The following GABRB1 variants were observed in gnomAD, a reference collection of about 807,000 sequenced individuals.
GABRB1 encodes gamma-aminobutyric acid type A receptor subunit beta1.
GABRB1 carries 17 observed loss-of-function variants against 51.6 expected under a neutral mutation model. That is an observed-to-expected ratio of 0.33 (90% CI 0.23 to 0.49). The LOEUF (loss-of-function observed/expected upper bound fraction) is 0.49. GABRB1 is among the 20% of genes least tolerant of loss of function. The pLI is 0.99. For missense variants in GABRB1, 410 were observed against 600.6 expected, an observed-to-expected ratio of 0.68 and a Z score of 3.32; for synonymous variants, 247 against 218.9, an observed-to-expected ratio of 1.13 and a Z score of -1.14.
intron 4 of GABRB1, 108 bp downstream of exon 4, chr4:47,161,577 T>A: frequency 1.3e-6 from 1 of 798,992 alleles, no homozygotes; most frequent in Non-Finnish European, 2.0e-6. Context: ...GATGAATATA[T>A]AAATGGGGTG....
intron 4 of GABRB1, among the ~76,000 whole-genome samples, chr4:47,215,469 T>C (rs1720517785): frequency 6.6e-6 from 1 of 152,036 alleles, no homozygotes. Flanking sequence ...AGTTATGTTA[T>C]TTACTGAGCA....
intron 7 of GABRB1, among the ~76,000 whole-genome samples, chr4:47,405,153 G>C (rs538260591): frequency 6.6e-6 from 1 of 152,104 alleles, no homozygotes; most frequent in Non-Finnish European, 1.5e-5. Flanking sequence ...AAATTTAAAG[G>C]TTTTTTCAAA....
chr4:47,034,273 A>T (rs1403236033), intron 3 of GABRB1, among the ~76,000 whole-genome samples: 2 of 152,192 alleles, frequency 1.3e-5, no homozygotes, highest in East Asian at 1.9e-4. Context: ...AGTTTTTTTT[A>T]AAACTCAATT....
intron 1 of GABRB1, among the ~76,000 whole-genome samples, chr4:47,012,898 G>A (rs1000971498): frequency 2.6e-5 from 4 of 152,178 alleles, no homozygotes; most frequent in African/African-American, 9.7e-5. Flanking sequence ...GGAACCTCAA[G>A]GGAAGTATGT....
chr4:47,288,302 G>A (rs201440103), intron 4 of GABRB1, among the ~76,000 whole-genome samples: 89 of 151,132 alleles, frequency 5.9e-4, no homozygotes, highest in East Asian at 2.3e-3. Context: ...TCACTCTGTC[G>A]CCCAGGCTGG....
chr4:47,103,492 G>C (rs1714811270), intron 3 of GABRB1, among the ~76,000 whole-genome samples: 1 of 151,888 alleles, frequency 6.6e-6, no homozygotes, highest in African/African-American at 2.4e-5. Flanking sequence ...TGATATTATT[G>C]TTAGATCATT....
chr4:47,340,245 G>A (rs1044536259), intron 5 of GABRB1, among the ~76,000 whole-genome samples: 3 of 152,054 alleles, frequency 2.0e-5, no homozygotes, highest in East Asian at 1.9e-4. Flanking sequence ...GGATCTCGGG[G>A]AAGCTCCTAC....
At chr4:47,257,539 G>A (rs1722261294) in intron 4 of GABRB1, among the ~76,000 whole-genome samples, 1 of 151,922 alleles carries the variant, frequency 6.6e-6, no homozygotes, top group Non-Finnish European at 1.5e-5. Flanking sequence ...AGAGCCTGCT[G>A]TGTGTGGGGT....
At chr4:47,017,632 T>TCACA (rs151056923) in intron 1 of GABRB1, among the ~76,000 whole-genome samples, 2 of 150,436 alleles carry the variant, frequency 1.3e-5, no homozygotes, top group South Asian at 2.1e-4. Flanking sequence ...TTTTTCACAC[T>TCACA]CACACACACA....
chr4:47,170,689 G>A (rs1310489180), intron 4 of GABRB1, among the ~76,000 whole-genome samples: 1 of 152,132 alleles, frequency 6.6e-6, no homozygotes, highest in Non-Finnish European at 1.5e-5. Context: ...AGGAAGCTTG[G>A]CTGTTATTGA....
intron 3 of GABRB1, among the ~76,000 whole-genome samples, chr4:47,131,351 GTT>G (rs1716406037): frequency 2.0e-5 from 3 of 152,064 alleles, no homozygotes; most frequent in Non-Finnish European, 4.4e-5. Context: ...TGGAGATGGG[GTT>G]TCGCCATGTT....
chr4:47,307,394 T>C (rs1231937506), intron 4 of GABRB1, among the ~76,000 whole-genome samples: 1 of 152,036 alleles, frequency 6.6e-6, no homozygotes, highest in East Asian at 1.9e-4. Flanking sequence ...GTTAGTATGA[T>C]ATCTGGAGTG....
At chr4:47,022,904 T>C (rs933046885) in intron 1 of GABRB1, among the ~76,000 whole-genome samples, 2 of 152,012 alleles carry the variant, frequency 1.3e-5, no homozygotes, top group Non-Finnish European at 2.9e-5. Flanking sequence ...TTACAATAGC[T>C]AAGGTTTGGA....
At chr4:47,124,827 A>T (rs184798123) in intron 3 of GABRB1, among the ~76,000 whole-genome samples, 6 of 152,266 alleles carry the variant, frequency 3.9e-5, no homozygotes, top group Admixed American at 2.0e-4. Context: ...AGGAAAGAAA[A>T]TGAAAAGGAG....
At chr4:47,012,670 C>T (rs1190292376) in intron 1 of GABRB1, among the ~76,000 whole-genome samples, 1 of 152,144 alleles carries the variant, frequency 6.6e-6, no homozygotes, top group East Asian at 1.9e-4. Context: ...CGTATGCATT[C>T]CTCAGTAGCT....
intron 3 of GABRB1, among the ~76,000 whole-genome samples, chr4:47,149,277 G>A (rs1229615004): frequency 6.6e-6 from 1 of 151,912 alleles, no homozygotes; most frequent in African/African-American, 2.4e-5. Context: ...ATGAAAATGT[G>A]TATTATTAAC....
chr4:47,171,695 A>T (rs1261840346), intron 4 of GABRB1, among the ~76,000 whole-genome samples: 1 of 152,158 alleles, frequency 6.6e-6, no homozygotes, highest in African/African-American at 2.4e-5. Flanking sequence ...AACGCATTTT[A>T]TTAAAATTAA....
chr4:47,189,849 G>A lies in GABRB1; in HGVS notation c.461+28380G>A, dbSNP rs566422743. Among the ~76,000 whole-genome samples the A allele has an allele frequency of 5.9e-5, 9 of 151,990 alleles. No homozygotes were observed. The South Asian group carries it at 1.9e-3, about 32-fold the overall frequency. ...TTTGTGGATTGAATCAGACTATTATGTTTTTTTGTTTGTGTTTTAATGCAG... is the reference window on the plus strand; with the variant it reads ...TTTGTGGATTGAATCAGACTATTATATTTTTTTGTTTGTGTTTTAATGCAG... On this transcript the variant is annotated intron_variant, in intron 4 of 8. Transcript: ENST00000295454.
intron 1 of GABRB1, among the ~76,000 whole-genome samples, chr4:47,019,305 T>C (rs912782099): frequency 6.6e-6 from 1 of 152,162 alleles, no homozygotes; most frequent in African/African-American, 2.4e-5. Flanking sequence ...TGTCGCTCTT[T>C]CTAGTTTCTT....
Sources: gnomAD v4.1 joint callset for allele counts (sites outside exome capture counted in the v4.1 genomes callset) on GRCh38, gnomAD v4.1.1 for gene constraint, MANE v1.5 for transcripts, NCBI Gene and HGNC (gene_info 2026-07-23, HGNC 2026-07-21) for gene names.